DIP2B: variants seen among roughly 807,000 people sequenced by gnomAD.
The protein encoded by DIP2B is DIP2 acetate--CoA ligase B (putative).
DIP2B carries 76 observed loss-of-function variants against 198.0 expected under a neutral mutation model. The ratio of observed to expected loss-of-function variants is 0.38; its 90% CI spans 0.32 to 0.46. The LOEUF (loss-of-function observed/expected upper bound fraction) is 0.46, where lower values mean the gene tolerates loss of function less well. DIP2B is among the 20% of genes least tolerant of loss of function. The pLI, the probability that DIP2B is intolerant of heterozygous loss-of-function variation, is 0.99. For synonymous variants in DIP2B, 701 were observed against 739.1 expected (o/e 0.95, Z 0.84); for missense variants, 1,559 against 1,978.4 (o/e 0.79, Z 4.02).
intron 1 of DIP2B, among the ~76,000 whole-genome samples, chr12:50,521,396 T>A (rs186500284): frequency 6.6e-6 from 1 of 151,912 alleles, no homozygotes; most frequent in Admixed American, 6.6e-5. Flanking sequence ...TGAGCCACTG[T>A]GCCCAGCTCA....
At chr12:50,590,676 T>A (rs2139429041) in intron 1 of DIP2B, among the ~76,000 whole-genome samples, 1 of 152,342 alleles carries the variant, frequency 6.6e-6, no homozygotes, top group Non-Finnish European at 1.5e-5. Context: ...GCATGAATGT[T>A]GTTTTAATTG....
intron 1 of DIP2B, among the ~76,000 whole-genome samples, chr12:50,593,697 T>C (rs1274095944): frequency 1.0e-5 from 1 of 97,740 alleles, no homozygotes; most frequent in Non-Finnish European, 2.1e-5. Context: ...TCTTTTCTCC[T>C]CTCCTCTCCC....
chr12:50,517,904 T>C (rs112527953), intron 1 of DIP2B, among the ~76,000 whole-genome samples: 20 of 152,342 alleles, frequency 1.3e-4, no homozygotes, highest in African/African-American at 4.8e-4. Context: ...CCAGTTTCCT[T>C]TTCTAAGCTC....
At chr12:50,560,254 G>C (rs1389127721) in intron 1 of DIP2B, among the ~76,000 whole-genome samples, 1 of 152,064 alleles carries the variant, frequency 6.6e-6, no homozygotes, top group African/African-American at 2.4e-5. Flanking sequence ...AATTAGCCGG[G>C]TGTGGTGGCA....
intron 1 of DIP2B, among the ~76,000 whole-genome samples, chr12:50,543,407 A>G (rs983009051): frequency 6.6e-6 from 1 of 151,828 alleles, no homozygotes; most frequent in African/African-American, 2.4e-5. Flanking sequence ...CTCCTGCCTC[A>G]GCCTCTCAAG....
At chr12:50,629,162 G>A (rs1937994092) in intron 2 of DIP2B, among the ~76,000 whole-genome samples, 1 of 152,126 alleles carries the variant, frequency 6.6e-6, no homozygotes, top group Non-Finnish European at 1.5e-5. Context: ...GATTACAGGC[G>A]TCAGCCACCA....
intron 4 of DIP2B, among the ~76,000 whole-genome samples, chr12:50,662,737 G>A (rs1240615276): frequency 6.6e-6 from 1 of 152,130 alleles, no homozygotes; most frequent in African/African-American, 2.4e-5. Context: ...TGTGTTCAAG[G>A]GAAGGGAGGA....
intron 13 of DIP2B, among the ~76,000 whole-genome samples, chr12:50,691,783 A>G (rs1361764677): frequency 2.0e-5 from 3 of 152,102 alleles, no homozygotes; most frequent in Non-Finnish European, 4.4e-5. Flanking sequence ...ATACATTCAG[A>G]CCAGGCGCTG....
chr12:50,639,767 TC>T (rs1449186568), intron 2 of DIP2B, among the ~76,000 whole-genome samples: 1 of 152,178 alleles, frequency 6.6e-6, no homozygotes, highest in Non-Finnish European at 1.5e-5. Context: ...CTTAAGGAAA[TC>T]CTGCAATATG....
Position 50,660,223 on chromosome 12 carries a change from C to G in DIP2B, c.331C>G (p.Leu111Val). 1.2e-6 allele frequency: 2 copies of G among 1,612,540 alleles called. No homozygotes were observed. Among genetic ancestry groups the G allele is most frequent in the Non-Finnish European group, 1.7e-6 (2 of 1,179,356 alleles). Residue 111 changes from leucine to valine, a missense_variant, in exon 4 of 38, where the codon CTG (leucine) becomes GTG (valine). Physicochemically the swap from Leu to Val is conservative, Grantham distance 32 (BLOSUM62 1). Transcript: ENST00000301180. ...DIHTEAVQAA[L>V]AKHKEQKMAL... The stretch of plus-strand genomic sequence containing the variant: ...CCACACAGAAGCAGTTCAGGCTGCA[C>G]TGGCAAAGCATAAAGAACAGAAGAT...
intron 1 of DIP2B, among the ~76,000 whole-genome samples, chr12:50,601,261 A>G (rs557423635): frequency 1.3e-5 from 2 of 152,276 alleles, no homozygotes; most frequent in Admixed American, 6.5e-5. Flanking sequence ...TGTGTATAGT[A>G]CAAAGTGCGT....
chr12:50,740,307 C>G (rs980474176), intron 36 of DIP2B, among the ~76,000 whole-genome samples: 8 of 152,202 alleles, frequency 5.3e-5, no homozygotes, highest in African/African-American at 1.9e-4. Context: ...CAGGGGCAAC[C>G]CAGGGGAGCA....
intron 3 of DIP2B, among the ~76,000 whole-genome samples, chr12:50,648,348 A>AT (rs887645899): frequency 1.5e-4 from 23 of 151,740 alleles, no homozygotes; most frequent in South Asian, 8.3e-4. Flanking sequence ...GCCTAAGCCT[A>AT]TTTTTTTTAT....
chr12:50,690,085 TA>T (rs1385118467), intron 12 of DIP2B, among the ~76,000 whole-genome samples: 1 of 151,260 alleles, frequency 6.6e-6, no homozygotes, highest in Non-Finnish European at 1.5e-5. Context: ...TGGGAACACT[TA>T]ATTTTTTTTT....
chr12:50,724,606 A>G (rs371325456), intron 27 of DIP2B, among the ~76,000 whole-genome samples, 169 bp from the exon 28 acceptor site: 1 of 152,226 alleles, frequency 6.6e-6, no homozygotes, highest in East Asian at 1.9e-4. Flanking sequence ...ACACATTTCC[A>G]GAAGGAAACA....
chr12:50,684,416 A>G (rs1487065494), intron 10 of DIP2B, among the ~76,000 whole-genome samples: 2 of 152,208 alleles, frequency 1.3e-5, no homozygotes, highest in Non-Finnish European at 2.9e-5. Flanking sequence ...TTTCTCCATG[A>G]GCCACTTGAT....
chr12:50,701,902 T>C (rs906191779), intron 19 of DIP2B, among the ~76,000 whole-genome samples: 1 of 152,162 alleles, frequency 6.6e-6, no homozygotes, highest in African/African-American at 2.4e-5. Context: ...AGTAAACCTG[T>C]TCCTGGTACT....
At chr12:50,604,304 C>A (rs115069919) in intron 1 of DIP2B, among the ~76,000 whole-genome samples, 1 of 151,908 alleles carries the variant, frequency 6.6e-6, no homozygotes, top group African/African-American at 2.4e-5. Context: ...AGCATATATC[C>A]AACCTCATTT....
chr12:50,704,669 G>A lies in DIP2B; in HGVS notation c.2406+449G>A, dbSNP rs140175678. Among the ~76,000 whole-genome samples the A allele has an allele frequency of 4.6e-3, 699 of 152,282 alleles. 8 individuals are homozygous for A. The highest frequency in any genetic ancestry group is 0.016 in the African/African-American group (660 of 41,562). ...GTGATGTGTAATAGTGATCCTTTGA[G>A]TGAAAACAGTTTGGGCCGGGTGTGG... On this transcript the variant is annotated intron_variant, in intron 20 of 37. Coordinates refer to ENST00000301180, the MANE Select transcript of DIP2B (RefSeq NM_173602.3).
Sources: gnomAD v4.1 joint callset for allele counts (sites outside exome capture counted in the v4.1 genomes callset) on GRCh38, gnomAD v4.1.1 for gene constraint, MANE v1.5 for transcripts, NCBI Gene and HGNC (gene_info 2026-07-23, HGNC 2026-07-21) for gene names.